EPHB2: variants seen among roughly 807,000 people sequenced by gnomAD.
EPHB2 encodes EPH receptor B2.
A neutral mutation model predicts 96.4 loss-of-function variants in EPHB2; 18 were observed. The ratio of observed to expected loss-of-function variants is 0.19; its 90% CI spans 0.13 to 0.28. The LOEUF is 0.28. EPHB2 is among the 10% of genes least tolerant of loss of function. The pLI is 1.00. For synonymous variants in EPHB2, 506 were observed against 534.1 expected (o/e 0.95, Z 0.72); for missense variants, 989 against 1,355.4 (o/e 0.73, Z 4.25).
In EPHB2 at chr1:22,900,120, C is replaced by A. The variant is rs555510341; in HGVS notation, c.1765+3642C>A. Among the ~76,000 whole-genome samples the A allele has an allele frequency of 1.5e-3, 234 of 152,158 alleles. 1 individual carries two copies. Among genetic ancestry groups the A allele is most frequent in the African/African-American group, 5.4e-3 (223 of 41,518 alleles). On this transcript the variant is annotated intron_variant, in intron 9 of 15. Coordinates refer to ENST00000374630, the MANE Select transcript of EPHB2 (RefSeq NM_017449.5). ...ACCAGCCTGGCCAACATGGTAAAAC[C>A]CCGTCTCTACTAAAAATACAAAAAT...
chr1:22,877,726 C>T (rs905604949), intron 5 of EPHB2, among the ~76,000 whole-genome samples: 6 of 152,222 alleles, frequency 3.9e-5, no homozygotes, highest in African/African-American at 1.2e-4. Context: ...CTGCTCCTGG[C>T]TCTAGTCCAG....
chr1:22,824,114 G>A (rs1645189906), intron 3 of EPHB2, among the ~76,000 whole-genome samples: 1 of 152,172 alleles, frequency 6.6e-6, no homozygotes, highest in South Asian at 2.1e-4. Flanking sequence ...TTTGGGAGGG[G>A]CTGGATAGGT....
In EPHB2 at chr1:22,908,977, C is replaced by T. The variant is rs1190319331; in HGVS notation, c.2353-45C>T. On this transcript the variant is annotated intron_variant, in intron 12 of 15. Coordinates refer to ENST00000374630, the MANE Select transcript of EPHB2 (RefSeq NM_017449.5). ...GGGAGGATTAAGAGAAGAGGTCAGACAGGCCAGCCTCCCACCCACAAACCC... is the reference window on the plus strand; with the variant it reads ...GGGAGGATTAAGAGAAGAGGTCAGATAGGCCAGCCTCCCACCCACAAACCC... The T allele has an allele frequency of 3.1e-6, 5 of 1,612,786 alleles. No homozygotes were observed. In the South Asian group the frequency reaches 5.5e-5, roughly 18 times the overall value.
intron 3 of EPHB2, among the ~76,000 whole-genome samples, chr1:22,831,268 A>G (rs755581442): frequency 5.9e-5 from 9 of 152,324 alleles, no homozygotes; most frequent in Non-Finnish European, 8.8e-5. Flanking sequence ...TGTCTTGCAC[A>G]TAGAAGGTGT....
At chr1:22,850,148 G>A (rs1645604090) in intron 3 of EPHB2, among the ~76,000 whole-genome samples, 1 of 152,188 alleles carries the variant, frequency 6.6e-6, no homozygotes, top group Non-Finnish European at 1.5e-5. Flanking sequence ...CCATAGAAGG[G>A]GAAGTGCTAC....
rs1318815136 is a variant in EPHB2, at chr1:22,915,597, C to T, written c.*2027C>T. On this transcript the variant is annotated 3_prime_UTR_variant, in exon 16 of 16. Transcript: ENST00000374630. Reference sequence around the variant, plus strand: ...GAATCAGGGTGAGCCCCTGCAGGTACATAAGTAGCAGAGAATTGACGAGAG... The same window carrying T: ...GAATCAGGGTGAGCCCCTGCAGGTATATAAGTAGCAGAGAATTGACGAGAG... 1 of 152,192 alleles carries T rather than the reference C, an allele frequency of 6.6e-6. No individual in the cohort carries two copies. The highest frequency in any genetic ancestry group is 1.5e-5 in the Non-Finnish European group (1 of 68,050). 9.4% of individuals were successfully genotyped at this position (152,192 alleles called of 1,614,324 possible).
chr1:22,761,197 T>C (rs1430552037), intron 1 of EPHB2, among the ~76,000 whole-genome samples: 1 of 152,198 alleles, frequency 6.6e-6, no homozygotes, highest in Non-Finnish European at 1.5e-5. Flanking sequence ...CCTGAGTCCA[T>C]TGTGATGCAC....
Position 22,843,718 on chromosome 1 carries a change from T to A in EPHB2, c.812-19319T>A, listed in dbSNP as rs201399309. Among the ~76,000 whole-genome samples the A allele has an allele frequency of 2.6e-5, 4 of 152,208 alleles. No homozygotes were observed. The East Asian group carries it at 7.7e-4, about 29-fold the overall frequency. On this transcript the variant is annotated intron_variant, in intron 3 of 15. Coordinates refer to ENST00000374630, the MANE Select transcript of EPHB2 (RefSeq NM_017449.5). ...GCTATGCCTGGCTAATTTTTGTATT[T>A]TTAATAGAGACAGGGTTTTACCATG...
chr1:22,806,292 A>T (rs1258170246), intron 3 of EPHB2, among the ~76,000 whole-genome samples: 2 of 152,246 alleles, frequency 1.3e-5, no homozygotes, highest in Non-Finnish European at 2.9e-5. Flanking sequence ...TTATACAGCT[A>T]ATAAGTGGCA....
chr1:22,864,924 T>A lies in EPHB2; in HGVS notation c.1015T>A (p.Ser339Thr). 8.8e-6 allele frequency: 14 copies of A among 1,596,144 alleles called. No homozygotes were observed. The highest frequency in any genetic ancestry group is 1.2e-5 in the Non-Finnish European group (14 of 1,171,944). Residue 339 changes from serine (S) to threonine (T), a missense_variant, in exon 5 of 16, where the codon TCC becomes ACC. Physicochemically the swap from Ser to Thr is moderately conservative, Grantham distance 58 (BLOSUM62 1). Transcript: ENST00000374630. ...QAVISSVNET[S>T]LMLEWTPPRD... is the part of the protein sequence containing the mutation. ...TGTGATTTCCAGTGTCAATGAGACC[T>A]CCCTCATGCTGGAGTGGACCCCTCC... is the stretch of plus-strand genomic sequence containing the variant.
chr1:22,756,066 G>A (rs1052457329), intron 1 of EPHB2, among the ~76,000 whole-genome samples: 1 of 152,140 alleles, frequency 6.6e-6, no homozygotes, highest in Non-Finnish European at 1.5e-5. Context: ...GTGGGGAGGT[G>A]GAAACGCAGG....
At chr1:22,894,358 G>A (rs1464886410) in intron 7 of EPHB2, among the ~76,000 whole-genome samples, 2 of 152,118 alleles carry the variant, frequency 1.3e-5, no homozygotes, top group Admixed American at 6.5e-5. Context: ...AGCACTATGG[G>A]AAGCCAAGGC....
chr1:22,817,920 G>T (rs1308342342), intron 3 of EPHB2, among the ~76,000 whole-genome samples: 2 of 152,214 alleles, frequency 1.3e-5, no homozygotes, highest in African/African-American at 4.8e-5. Context: ...GGTTAGACTG[G>T]GAGGTGGGAC....
intron 1 of EPHB2, among the ~76,000 whole-genome samples, chr1:22,734,341 AG>A (rs1431161063): frequency 6.6e-6 from 1 of 151,992 alleles, no homozygotes; most frequent in Non-Finnish European, 1.5e-5. Context: ...CAGTTAGGGT[AG>A]GGCTCCCCAG....
At chr1:22,865,283 C>T (rs947870711) in intron 5 of EPHB2, 71 bp downstream of exon 5, 1 of 1,535,754 alleles carries the variant, frequency 6.5e-7, no homozygotes, top group East Asian at 2.2e-5. Flanking sequence ...GCAGTCCTCA[C>T]AAAAGACTCC....
intron 3 of EPHB2, among the ~76,000 whole-genome samples, chr1:22,861,875 C>T (rs765473232): frequency 6.6e-6 from 1 of 152,200 alleles, no homozygotes; most frequent in African/African-American, 2.4e-5. Flanking sequence ...CTGAAGAACC[C>T]ACAGCACCCA....
In EPHB2 at chr1:22,908,180, G is replaced by A. The variant is rs1388592253; in HGVS notation, c.2352+12G>A. 3.7e-6 allele frequency: 6 copies of A among 1,614,138 alleles called. No homozygotes were observed. Among genetic ancestry groups the A allele is most frequent in the Non-Finnish European group, 5.1e-6 (6 of 1,179,974 alleles). On this transcript the variant is annotated intron_variant, in intron 12 of 15. Coordinates refer to ENST00000374630, the MANE Select transcript of EPHB2 (RefSeq NM_017449.5). ...ACACCAGTGCCCTGGTAAGATGGAG[G>A]CAGGGAACACCGGAGTCACAGAGCC...
chr1:22,837,445 T>G lies in EPHB2; in HGVS notation c.812-25592T>G, dbSNP rs569540398. On this transcript the variant is annotated intron_variant, in intron 3 of 15. Transcript: ENST00000374630. ...TGAGAGGGATGGGGGTTCTCTAACA[T>G]GAGTGTAGGTGGGAGAGATAAAAGA... Among the ~76,000 whole-genome samples, 3 of 152,238 alleles carry G rather than the reference T, an allele frequency of 2.0e-5. No homozygotes were observed. The East Asian group carries it at 5.8e-4, about 29-fold the overall frequency.
chr1:22,838,671 G>A (rs1254544951), intron 3 of EPHB2, among the ~76,000 whole-genome samples: 1 of 152,200 alleles, frequency 6.6e-6, no homozygotes, highest in Non-Finnish European at 1.5e-5. Context: ...GCTCACGCCT[G>A]TAATCCCAGC....
Sources: gnomAD v4.1 joint callset for allele counts (sites outside exome capture counted in the v4.1 genomes callset) on GRCh38, gnomAD v4.1.1 for gene constraint, MANE v1.5 for transcripts, NCBI Gene and HGNC (gene_info 2026-07-23, HGNC 2026-07-21) for gene names.